SPIRE1: variants seen among roughly 807,000 people sequenced by gnomAD.
The protein encoded by SPIRE1 is protein spire homolog 1.
In SPIRE1, 40 loss-of-function variants were observed where a neutral mutation model predicts 94.1. The observed-to-expected ratio is 0.43, with a 90% CI of 0.33 to 0.55. SPIRE1 has a LOEUF of 0.55. Among genes scored for constraint, SPIRE1 ranks in the 20% least tolerant of loss-of-function variants. SPIRE1 has a pLI of 0.06. For missense variants in SPIRE1, 838 were observed against 975.2 expected (o/e 0.86, Z 1.87); for synonymous variants, 376 against 371.7 (o/e 1.01, Z -0.13).
chr18:12,558,403 CAA>C (rs1386825629), intron 2 of SPIRE1, among the ~76,000 whole-genome samples: 1 of 152,154 alleles, frequency 6.6e-6, no homozygotes, highest in Admixed American at 6.5e-5. Context: ...AGTGCAAACC[CAA>C]AGAGTGAGCA....
intron 8 of SPIRE1, among the ~76,000 whole-genome samples, chr18:12,488,984 G>C (rs2033138199): frequency 6.6e-6 from 1 of 152,048 alleles, no homozygotes; most frequent in South Asian, 2.1e-4. Context: ...AGGAGATTGA[G>C]ACCATCCTGG....
chr18:12,482,028 G>C (rs1007037991), intron 9 of SPIRE1, among the ~76,000 whole-genome samples: 1 of 152,054 alleles, frequency 6.6e-6, no homozygotes, highest in African/African-American at 2.4e-5. Flanking sequence ...CATAATAAGA[G>C]AAACACAACC....
At chr18:12,605,199 T>A (rs1292619888) in intron 2 of SPIRE1, among the ~76,000 whole-genome samples, 1 of 152,206 alleles carries the variant, frequency 6.6e-6, no homozygotes, top group African/African-American at 2.4e-5. Context: ...CTTAAATGAC[T>A]AAGATGATCA....
chr18:12,451,659 G>A (rs1252347623), intron 16 of SPIRE1, among the ~76,000 whole-genome samples: 2 of 152,218 alleles, frequency 1.3e-5, no homozygotes, highest in Non-Finnish European at 2.9e-5. Flanking sequence ...GTGGTTGGTA[G>A]ATCAAAGCCC....
chr18:12,486,977 T>A (rs915069443), intron 8 of SPIRE1, among the ~76,000 whole-genome samples: 2 of 152,104 alleles, frequency 1.3e-5, no homozygotes, highest in African/African-American at 4.8e-5. Context: ...CTCAGCCTCC[T>A]GAGTAGCTGG....
chr18:12,505,651 G>C (rs1370364621), intron 6 of SPIRE1, among the ~76,000 whole-genome samples: 1 of 151,924 alleles, frequency 6.6e-6, no homozygotes, highest in Non-Finnish European at 1.5e-5. Flanking sequence ...ATTTGCTAAT[G>C]AACTAGATGT....
intron 1 of SPIRE1, 141 bp downstream of exon 1, chr18:12,657,388 TC>T: frequency 1.5e-6 from 1 of 646,644 alleles, no homozygotes; most frequent in Non-Finnish European, 2.2e-6. Flanking sequence ...CCCCTGCGGG[TC>T]CCCGCCGGAT....
intron 12 of SPIRE1, among the ~76,000 whole-genome samples, chr18:12,460,542 G>A (rs561406406): frequency 1.3e-5 from 2 of 152,146 alleles, no homozygotes; most frequent in East Asian, 3.9e-4. Flanking sequence ...GAGAAACCCC[G>A]TCTCTCCTAA....
chr18:12,616,036 G>T (rs946753839), intron 2 of SPIRE1, among the ~76,000 whole-genome samples: 1 of 151,054 alleles, frequency 6.6e-6, no homozygotes, highest in Non-Finnish European at 1.5e-5. Context: ...CAAGCTCTTC[G>T]TTTTTTTTTT....
intron 1 of SPIRE1, among the ~76,000 whole-genome samples, chr18:12,646,048 G>T (rs929148779): frequency 1.6e-4 from 25 of 152,290 alleles, no homozygotes; most frequent in African/African-American, 4.8e-4. Context: ...CAAAAAATGC[G>T]GTAACTGATT....
At chr18:12,575,286 CAA>C (rs940060367) in intron 2 of SPIRE1, among the ~76,000 whole-genome samples, 2 of 150,016 alleles carry the variant, frequency 1.3e-5, no homozygotes, top group Non-Finnish European at 3.0e-5. Context: ...TCAGTGAACA[CAA>C]AGAGTAAAAA....
At chr18:12,488,706 G>A (rs965331169) in intron 8 of SPIRE1, among the ~76,000 whole-genome samples, 5 of 152,186 alleles carry the variant, frequency 3.3e-5, no homozygotes, top group African/African-American at 1.2e-4. Flanking sequence ...CGTCAATAAA[G>A]GGGATATGCA....
intron 2 of SPIRE1, among the ~76,000 whole-genome samples, chr18:12,552,317 A>G (rs1347656417): frequency 3.3e-5 from 5 of 152,182 alleles, no homozygotes; most frequent in Non-Finnish European, 7.4e-5. Context: ...CAGGATGGCT[A>G]AAAGAGTACT....
At chr18:12,654,631 G>A (rs1598590968) in intron 1 of SPIRE1, among the ~76,000 whole-genome samples, 3 of 152,082 alleles carry the variant, frequency 2.0e-5, no homozygotes, top group Admixed American at 1.3e-4. Context: ...CTCCAGCCTG[G>A]GCGACTGAGC....
At chr18:12,579,234 A>C (rs994575307) in intron 2 of SPIRE1, among the ~76,000 whole-genome samples, 12 of 139,118 alleles carry the variant, frequency 8.6e-5, no homozygotes, top group Non-Finnish European at 9.6e-5. Flanking sequence ...CACACACACA[A>C]AATACTGACT....
chr18:12,496,496 G>A (rs2033462794), intron 6 of SPIRE1, among the ~76,000 whole-genome samples: 1 of 152,210 alleles, frequency 6.6e-6, no homozygotes, highest in Admixed American at 6.5e-5. Context: ...CACTTTGGGA[G>A]GCCGAGGCAG....
In SPIRE1 at chr18:12,493,089, A is replaced by G. The variant is rs200831129; in HGVS notation, c.1172T>C (p.Ile391Thr). The change falls in exon 8 of 17, where the codon ATT becomes ACT. Residue 391 changes from isoleucine to threonine, a missense_variant. By Grantham distance (89) the Ile-to-Thr change is moderately conservative. Transcript: ENST00000409402. ...RKLRPVSPEE[I>T]RRSRLAMRPL... is the part of the protein sequence containing the mutation. ...GGACTCACCTAATCTGCTACGTCTA[A>G]TCTCCTCTGGTGATACAGGCCGCAG... is the stretch of plus-strand genomic sequence containing the variant. 34 of 1,612,576 alleles carry G rather than the reference A, an allele frequency of 2.1e-5. 1 individual carries two copies. The highest frequency in any genetic ancestry group is 8.5e-7 in the Non-Finnish European group (1 of 1,179,788).
intron 16 of SPIRE1, chr18:12,450,652 A>G: frequency 1.6e-6 from 1 of 615,782 alleles, no homozygotes; most frequent in South Asian, 2.0e-5. Flanking sequence ...TGGATAAAGT[A>G]CACTACCACT....
intron 2 of SPIRE1, among the ~76,000 whole-genome samples, chr18:12,623,450 G>A (rs1051073468): frequency 2.0e-5 from 3 of 151,978 alleles, no homozygotes; most frequent in Non-Finnish European, 4.4e-5. Context: ...ACTGCGCCTG[G>A]CCAACATCAT....
Sources: gnomAD v4.1 joint callset for allele counts (sites outside exome capture counted in the v4.1 genomes callset) on GRCh38, gnomAD v4.1.1 for gene constraint, MANE v1.5 for transcripts, NCBI Gene and HGNC (gene_info 2026-07-23, HGNC 2026-07-21) for gene names.